PACRG: variants seen among roughly 807,000 people sequenced by gnomAD.
The protein encoded by PACRG is parkin coregulated gene protein.
Under a neutral mutation model 29.7 loss-of-function variants are expected in PACRG, and 29 were observed. That is an observed-to-expected ratio of 0.98 (90% CI 0.73 to 1.33). The LOEUF (loss-of-function observed/expected upper bound fraction) is 1.33, where lower values mean the gene tolerates loss of function less well. Ranked by LOEUF, PACRG falls within the 40% of genes most tolerant of loss-of-function variation. The pLI is 0.00. For missense variants in PACRG, 279 were observed against 316.2 expected (o/e 0.88, Z 0.89); for synonymous variants, 116 against 118.7 (o/e 0.98, Z 0.15).
At chr6:162,746,732 G>A (rs1781014886) in intron 1 of PACRG, among the ~76,000 whole-genome samples, 1 of 152,154 alleles carries the variant, frequency 6.6e-6, no homozygotes, top group African/African-American at 2.4e-5. Flanking sequence ...AGTAAGAAGT[G>A]TTCTGGATTT....
chr6:163,076,625 C>T (rs1021333992), intron 3 of PACRG, among the ~76,000 whole-genome samples: 1 of 152,220 alleles, frequency 6.6e-6, no homozygotes, highest in Non-Finnish European at 1.5e-5. Flanking sequence ...TTATTTCTTA[C>T]TATTTCCCTT....
Position 163,269,827 on chromosome 6 carries a change from GAAA to G in PACRG, c.614-44999_614-44997del, listed in dbSNP as rs1562349327. Among the ~76,000 whole-genome samples, 53 of 32,052 alleles carry G rather than the reference GAAA, an allele frequency of 1.7e-3. 2 individuals are homozygous for G. Among genetic ancestry groups the G allele is most frequent in the African/African-American group, 5.8e-3 (51 of 8,830 alleles). 21.0% of individuals were successfully genotyped at this position (32,052 alleles called of 152,430 possible). A position where few individuals can be genotyped will look rare whatever the true frequency, so the allele number is the denominator to read the frequency against. On this transcript the variant is annotated intron_variant, in intron 4 of 4. Coordinates refer to ENST00000366888, the MANE Select transcript of PACRG (RefSeq NM_001080379.2). ...AAGGAAGGAAGGAAGGAAGGAGAAA[GAAA>G]GAAAGAAAAAGAAAGAAAGAAAGAA...
At chr6:163,166,242 G>C in intron 4 of PACRG, 2 of 454,824 alleles carry the variant, frequency 4.4e-6, no homozygotes, top group Non-Finnish European at 8.8e-6. Flanking sequence ...CTCTTTGACT[G>C]TTTTGTTTGT....
intron 4 of PACRG, among the ~76,000 whole-genome samples, chr6:163,147,478 A>G (rs1423376405): frequency 6.6e-6 from 1 of 152,194 alleles, no homozygotes; most frequent in Non-Finnish European, 1.5e-5. Context: ...AGTGTCTCCA[A>G]TCTTGCAGGA....
At chr6:162,780,154 CA>C (rs753869161) in intron 1 of PACRG, among the ~76,000 whole-genome samples, 1 of 152,126 alleles carries the variant, frequency 6.6e-6, no homozygotes. Flanking sequence ...TAAGGTGGAA[CA>C]GGGGTCAAGG....
intron 4 of PACRG, among the ~76,000 whole-genome samples, chr6:163,125,320 G>C (rs547539): frequency 0.16 from 24,351 of 152,116 alleles, 2,221 homozygotes; most frequent in South Asian, 0.31. Flanking sequence ...ATATAATTTT[G>C]TTAAATAATT....
intron 4 of PACRG, among the ~76,000 whole-genome samples, chr6:163,313,996 A>G (rs1785544240): frequency 6.6e-6 from 1 of 152,212 alleles, no homozygotes; most frequent in African/African-American, 2.4e-5. Context: ...ACAATCGCAT[A>G]TCTCTTTCCT....
Position 162,786,723 on chromosome 6 carries a change from G to GTTT in PACRG, c.157-27415_157-27413dup, listed in dbSNP as rs34982424. On this transcript the variant is annotated intron_variant, in intron 1 of 4. Coordinates refer to ENST00000366888, the MANE Select transcript of PACRG (RefSeq NM_001080379.2). ...CTTTTGATTGTTTGAATAGCAAGTG[G>GTTT]TTTTTTTTTTTACAGTAATACAATT... 6.8e-3 allele frequency among the ~76,000 whole-genome samples: 1,010 copies of GTTT among 148,138 alleles called. 14 individuals are homozygous for GTTT. The highest frequency in any genetic ancestry group is 8.1e-3 in the African/African-American group (329 of 40,436).
At chr6:163,218,381 G>A (rs548239487) in intron 4 of PACRG, among the ~76,000 whole-genome samples, 1 of 152,258 alleles carries the variant, frequency 6.6e-6, no homozygotes, top group African/African-American at 2.4e-5. Flanking sequence ...TTTCATGCTA[G>A]AAATAAATTC....
chr6:162,810,158 C>T (rs1355748127), intron 1 of PACRG, among the ~76,000 whole-genome samples: 1 of 152,122 alleles, frequency 6.6e-6, no homozygotes, highest in African/African-American at 2.4e-5. Flanking sequence ...GAATCTCCAT[C>T]CCCACCCAGT....
intron 1 of PACRG, among the ~76,000 whole-genome samples, chr6:162,758,098 C>T (rs1208608667): frequency 6.6e-6 from 1 of 152,104 alleles, no homozygotes; most frequent in African/African-American, 2.4e-5. Flanking sequence ...AAATGTTGAA[C>T]ATCAATTAAA....
intron 4 of PACRG, among the ~76,000 whole-genome samples, chr6:163,119,652 C>A (rs1446920915): frequency 6.6e-6 from 1 of 152,122 alleles, no homozygotes; most frequent in Non-Finnish European, 1.5e-5. Flanking sequence ...GTAACCTGTG[C>A]TTTTTGTTTA....
chr6:162,799,840 CTAAT>C (rs541415718), intron 1 of PACRG, among the ~76,000 whole-genome samples: 72 of 152,210 alleles, frequency 4.7e-4, no homozygotes, highest in African/African-American at 1.7e-3. Flanking sequence ...ATTTTTTACT[CTAAT>C]TATTCAGTAA....
chr6:162,832,257 G>A (rs537082413), intron 2 of PACRG, among the ~76,000 whole-genome samples: 1 of 152,186 alleles, frequency 6.6e-6, no homozygotes, highest in African/African-American at 2.4e-5. Flanking sequence ...TCTAATGATC[G>A]TGATGATGAT....
intron 2 of PACRG, among the ~76,000 whole-genome samples, chr6:162,965,935 G>A (rs529346252): frequency 6.6e-6 from 1 of 152,330 alleles, no homozygotes; most frequent in East Asian, 1.9e-4. Flanking sequence ...TTTGGGATGG[G>A]AGACGAAATG....
At chr6:162,858,063 C>G (rs1791552636) in intron 2 of PACRG, among the ~76,000 whole-genome samples, 1 of 152,142 alleles carries the variant, frequency 6.6e-6, no homozygotes, top group African/African-American at 2.4e-5. Context: ...TATATTAACT[C>G]TTGAATATTC....
intron 2 of PACRG, among the ~76,000 whole-genome samples, chr6:162,833,605 T>A (rs1788964210): frequency 6.6e-6 from 1 of 152,206 alleles, no homozygotes; most frequent in Admixed American, 6.5e-5. Flanking sequence ...ATTTCTGTAA[T>A]CATCAGTGAT....
chr6:163,149,244 C>T (rs920051313), intron 4 of PACRG, among the ~76,000 whole-genome samples: 1 of 152,070 alleles, frequency 6.6e-6, no homozygotes, highest in Non-Finnish European at 1.5e-5. Flanking sequence ...CCGGAGGGGA[C>T]GCCTCCCGCG....
chr6:163,208,047 C>T (rs1452290253), intron 4 of PACRG, among the ~76,000 whole-genome samples: 1 of 152,196 alleles, frequency 6.6e-6, no homozygotes, highest in Non-Finnish European at 1.5e-5. Context: ...GCAATGCTTC[C>T]TTCTCTCTTC....
Sources: allele counts gnomAD v4.1 joint callset (sites outside exome capture counted in the v4.1 genomes callset), GRCh38; gene constraint gnomAD v4.1.1; transcripts MANE v1.5; gene names NCBI Gene and HGNC (gene_info 2026-07-23, HGNC 2026-07-21).